The following SF3B6 variants were observed in gnomAD, a reference collection of about 807,000 sequenced individuals.
The protein encoded by SF3B6 is splicing factor 3b subunit 6.
SF3B6 carries 3 observed loss-of-function variants against 15.9 expected under a neutral mutation model. The ratio of observed to expected loss-of-function variants is 0.19; its 90% CI spans 0.09 to 0.49. The LOEUF is 0.49. Ranked by LOEUF, SF3B6 falls within the 20% of genes least tolerant of loss-of-function variation. The pLI is 0.97. For missense variants in SF3B6, 71 were observed against 154.3 expected, an observed-to-expected ratio of 0.46 and a Z score of 2.86; for synonymous variants, 49 against 51.1, an observed-to-expected ratio of 0.96 and a Z score of 0.18.
At chr2:24,074,781 G>A (rs1464370174) in intron 1 of SF3B6, among the ~76,000 whole-genome samples, 1 of 152,074 alleles carries the variant, frequency 6.6e-6, no homozygotes, top group Non-Finnish European at 1.5e-5. Context: ...CGCACACTCT[G>A]CTGGATTGCT....
At chr2:24,070,442 G>A (rs758531157) in intron 2 of SF3B6, among the ~76,000 whole-genome samples, 17 of 152,184 alleles carry the variant, frequency 1.1e-4, no homozygotes, top group Non-Finnish European at 1.8e-4. Flanking sequence ...TAAAATCTTA[G>A]AGTAGGAATA....
chr2:24,068,403 T>A lies in SF3B6; in HGVS notation c.206A>T (p.Asp69Val). The A allele has an allele frequency of 6.2e-7, 1 of 1,614,212 alleles. No homozygotes were observed. Among genetic ancestry groups the A allele is most frequent in the East Asian group, 2.2e-5 (1 of 44,892 alleles). The change falls in exon 3 of 4, where the codon GAT becomes GTT. Residue 69 changes from aspartate (D) to valine (V), a missense_variant. Coordinates refer to ENST00000233468, the MANE Select transcript of SF3B6 (RefSeq NM_016047.4). ...TAYVVYEDIF[D>V]AKNACDHLSG... Reference sequence around the variant, plus strand: ...TAGGTGATCACATGCATTCTTGGCATCAAAGATGTCCTCATAGACCACATA... The same window carrying A: ...TAGGTGATCACATGCATTCTTGGCAACAAAGATGTCCTCATAGACCACATA...
chr2:24,074,929 G>C (rs898290582), intron 1 of SF3B6, among the ~76,000 whole-genome samples: 2 of 152,126 alleles, frequency 1.3e-5, no homozygotes, highest in African/African-American at 4.8e-5. Flanking sequence ...AGGAGTTTGA[G>C]ACCAGCCTGG....
intron 1 of SF3B6, 149 bp downstream of exon 1, chr2:24,076,051 T>G (rs1664739983): frequency 9.9e-7 from 1 of 1,008,816 alleles, no homozygotes; most frequent in South Asian, 1.3e-5. Context: ...TCTCTGAGGA[T>G]GGGGCCGGAT....
chr2:24,072,302 A>G (rs1209352470), intron 2 of SF3B6, among the ~76,000 whole-genome samples: 1 of 152,104 alleles, frequency 6.6e-6, no homozygotes, highest in African/African-American at 2.4e-5. Flanking sequence ...ACTATTTTCT[A>G]TATTATTCAT....
intron 3 of SF3B6, 101 bp from the exon 4 acceptor site, chr2:24,067,952 C>G: frequency 1.1e-6 from 1 of 928,378 alleles, no homozygotes; most frequent in South Asian, 1.4e-5. Flanking sequence ...AGACATATAT[C>G]ATCACAGTAC....
chr2:24,073,265 A>T (rs1479053176), intron 2 of SF3B6, among the ~76,000 whole-genome samples: 1 of 152,238 alleles, frequency 6.6e-6, no homozygotes, highest in Non-Finnish European at 1.5e-5. Flanking sequence ...TAATTTTTTT[A>T]AAATAAAAAC....
chr2:24,074,975 A>G (rs1664709237), intron 1 of SF3B6, among the ~76,000 whole-genome samples: 1 of 152,124 alleles, frequency 6.6e-6, no homozygotes, highest in Non-Finnish European at 1.5e-5. Flanking sequence ...CTAAAAATAC[A>G]AAAATTAGCC....
At chr2:24,071,867 C>T (rs1464968196) in intron 2 of SF3B6, among the ~76,000 whole-genome samples, 1 of 152,214 alleles carries the variant, frequency 6.6e-6, no homozygotes, top group African/African-American at 2.4e-5. Context: ...TTCATTTTGG[C>T]TTTCTGAAAC....
At chr2:24,076,173 AC>A in intron 1 of SF3B6, 26 bp downstream of exon 1, 3 of 1,613,902 alleles carry the variant, frequency 1.9e-6, no homozygotes, top group Non-Finnish European at 2.5e-6. Flanking sequence ...AAGTTCTCCC[AC>A]CCTCCGCAGA....
chr2:24,075,559 C>T (rs917739187), intron 1 of SF3B6, among the ~76,000 whole-genome samples: 3 of 149,356 alleles, frequency 2.0e-5, no homozygotes, highest in African/African-American at 7.6e-5. Flanking sequence ...AAGCGTTTTA[C>T]TGTTGACTAA....
chr2:24,074,010 G>T, intron 2 of SF3B6, 66 bp downstream of exon 2: 1 of 1,049,002 alleles, frequency 9.5e-7, no homozygotes, highest in Non-Finnish European at 1.5e-6. Flanking sequence ...TGGCCTCATC[G>T]TCAGCTATAA....
Position 24,074,170 on chromosome 2 carries a change from G to A in SF3B6, c.55C>T (p.Arg19Trp), listed in dbSNP as rs777344589. 14 of 1,597,292 alleles carry A rather than the reference G, an allele frequency of 8.8e-6. No homozygotes were observed. Among genetic ancestry groups the A allele is most frequent in the Admixed American group, 1.7e-5 (1 of 59,084 alleles). ...ANIRLPPEVN[R>W]ILYIRNLPYK... ...GGCAAATTTCTTATATACAATATCC[G>A]ATTTACTTCAGGTGGAAGTCGAATC... is the stretch of plus-strand genomic sequence containing the variant. Residue 19 changes from arginine (R) to tryptophan (W), a missense_variant, in exon 2 of 4, where the codon CGG becomes TGG. By Grantham distance (101) the Arg-to-Trp change is moderately radical. This residue lies in a region of SF3B6 where 17 missense variants were observed against 19.9 expected (regional missense o/e 0.86). Transcript: ENST00000233468.
chr2:24,075,819 T>C (rs2150979672), intron 1 of SF3B6, among the ~76,000 whole-genome samples: 1 of 152,182 alleles, frequency 6.6e-6, no homozygotes, highest in South Asian at 2.1e-4. Context: ...AAAAGCACCA[T>C]GATCTGAGGG....
Position 24,068,382 on chromosome 2 carries a change from T to G in SF3B6, c.227A>C (p.His76Pro). Residue 76 changes from histidine (H) to proline (P), a missense_variant, in exon 3 of 4, where the codon CAC (histidine) becomes CCC (proline). Around this residue, in one of 3 missense-constraint regions of SF3B6, gnomAD observed 52 missense variants for 113.2 expected, o/e 0.46. Transcript: ENST00000233468. ...DIFDAKNACDHLSGFNVCNRY... is the reference protein window; with the variant it reads ...DIFDAKNACDPLSGFNVCNRY... ...GTTACAAACATTGAATCCCGATAGG[T>G]GATCACATGCATTCTTGGCATCAAA... 6.2e-7 allele frequency: 1 copy of G among 1,614,104 alleles called. No individual in the cohort carries two copies. Among genetic ancestry groups the G allele is most frequent in the East Asian group, 2.2e-5 (1 of 44,888 alleles).
At chr2:24,068,205 C>T (rs1017429159) in intron 3 of SF3B6, 116 bp downstream of exon 3, 53 of 985,550 alleles carry the variant, frequency 5.4e-5, no homozygotes, top group Admixed American at 8.1e-5. Context: ...CCTCGTGATC[C>T]GCCCACCTCG....
intron 2 of SF3B6, 79 bp downstream of exon 2, chr2:24,073,997 G>T: frequency 1.1e-6 from 1 of 880,504 alleles, no homozygotes; most frequent in Non-Finnish European, 1.9e-6. Flanking sequence ...ACACAGCACA[G>T]GGTGGCCTCA....
At chr2:24,075,043 T>C (rs1389740827) in intron 1 of SF3B6, among the ~76,000 whole-genome samples, 1 of 152,056 alleles carries the variant, frequency 6.6e-6, no homozygotes, top group Non-Finnish European at 1.5e-5. Flanking sequence ...GCAGGAGAAT[T>C]GCTTGAACTC....
intron 3 of SF3B6, 70 bp downstream of exon 3, chr2:24,068,251 C>A (rs1664594412): frequency 1.1e-5 from 16 of 1,497,120 alleles, no homozygotes; most frequent in Non-Finnish European, 1.4e-5. Context: ...GCATGAGCCA[C>A]CGCGCCCGGC....
Sources: gnomAD v4.1 joint callset for allele counts (sites outside exome capture counted in the v4.1 genomes callset) on GRCh38, gnomAD v4.1.1 for gene constraint, gnomAD v4.1.1 regional missense constraint, MANE v1.5 for transcripts, NCBI Gene and HGNC (gene_info 2026-07-23, HGNC 2026-07-21) for gene names.